Variants in BMPR1B observed in about 807,000 individuals in gnomAD.
BMPR1B encodes bone morphogenetic protein receptor type-1B.
In BMPR1B, 12 loss-of-function variants were observed where a neutral mutation model predicts 59.1. That is an observed-to-expected ratio of 0.20 (90% CI 0.13 to 0.33). The LOEUF (loss-of-function observed/expected upper bound fraction) is 0.33. Among genes scored for constraint, BMPR1B ranks in the 10% least tolerant of loss-of-function variants. The pLI is 1.00. For missense variants in BMPR1B, 550 were observed against 610.9 expected (o/e 0.90, Z 1.05); for synonymous variants, 237 against 207.3 (o/e 1.14, Z -1.23).
chr4:94,987,994 G>A lies in BMPR1B; in HGVS notation c.-112-8046G>A, dbSNP rs553287056. Among the ~76,000 whole-genome samples the A allele has an allele frequency of 2.4e-4, 37 of 152,188 alleles. 1 individual carries two copies. In the South Asian group the frequency reaches 7.7e-3, roughly 32 times the overall value. On this transcript the variant is annotated intron_variant, in intron 2 of 12. Transcript: ENST00000515059. ...ATTAAATGTTCTTATCCAGTCTCTT[G>A]TCACATAGACCTAATCTAATTTCCA... is the stretch of plus-strand genomic sequence containing the variant.
At chr4:95,013,747 T>C (rs556911825) in intron 3 of BMPR1B, among the ~76,000 whole-genome samples, 2 of 152,326 alleles carry the variant, frequency 1.3e-5, no homozygotes, top group Admixed American at 1.3e-4. Flanking sequence ...GTTTCACTTG[T>C]TATGTTATAA....
At chr4:95,016,201 C>T (rs1250029412) in intron 3 of BMPR1B, among the ~76,000 whole-genome samples, 6 of 152,012 alleles carry the variant, frequency 3.9e-5, no homozygotes, top group Admixed American at 3.9e-4. Context: ...ACCTTGAGAG[C>T]GTCTAAATAT....
chr4:94,766,240 A>G (rs1387188100), intron 1 of BMPR1B, among the ~76,000 whole-genome samples: 1 of 152,070 alleles, frequency 6.6e-6, no homozygotes. Flanking sequence ...CCCTGTGTAT[A>G]TCATTGGATT....
intron 3 of BMPR1B, among the ~76,000 whole-genome samples, chr4:95,036,087 C>T (rs1725222016): frequency 6.6e-6 from 1 of 151,914 alleles, no homozygotes; most frequent in African/African-American, 2.4e-5. Flanking sequence ...TCAGCTTGGT[C>T]ATTGTTGGTG....
At chr4:95,100,303 C>G (rs181775901) in intron 3 of BMPR1B, among the ~76,000 whole-genome samples, 6 of 151,808 alleles carry the variant, frequency 4.0e-5, no homozygotes, top group Non-Finnish European at 7.4e-5. Flanking sequence ...CTTTTTTTCC[C>G]CTGCCCTCAC....
intron 1 of BMPR1B, among the ~76,000 whole-genome samples, chr4:94,767,941 C>T (rs1451497917): frequency 6.6e-6 from 1 of 151,762 alleles, no homozygotes; most frequent in African/African-American, 2.4e-5. Flanking sequence ...TATCATTTCA[C>T]CATTCTGTGA....
chr4:95,012,915 C>T (rs1035279627), intron 3 of BMPR1B, among the ~76,000 whole-genome samples: 1 of 152,066 alleles, frequency 6.6e-6, no homozygotes, highest in African/African-American at 2.4e-5. Flanking sequence ...TTCTCGCTCT[C>T]ATAGAAACAA....
At chr4:94,910,153 T>C (rs908949336) in intron 2 of BMPR1B, among the ~76,000 whole-genome samples, 2 of 152,120 alleles carry the variant, frequency 1.3e-5, no homozygotes. Context: ...ATCTTCACAC[T>C]AAAGATTCTG....
At chr4:94,804,103 C>T (rs1723515168) in intron 1 of BMPR1B, among the ~76,000 whole-genome samples, 1 of 152,192 alleles carries the variant, frequency 6.6e-6, no homozygotes, top group Admixed American at 6.5e-5. Flanking sequence ...TGGTCTCAAT[C>T]TCCTGACCTT....
At chr4:95,065,985 G>A (rs1003041090) in intron 3 of BMPR1B, among the ~76,000 whole-genome samples, 4 of 152,118 alleles carry the variant, frequency 2.6e-5, no homozygotes, top group Non-Finnish European at 5.9e-5. Context: ...TAAAAACTTA[G>A]CGCAGTAGCC....
At chr4:95,056,373 C>T (rs774534203) in intron 3 of BMPR1B, among the ~76,000 whole-genome samples, 7 of 152,142 alleles carry the variant, frequency 4.6e-5, no homozygotes, top group Admixed American at 3.3e-4. Flanking sequence ...GATTACTCTG[C>T]TTGATACTAT....
At chr4:94,819,143 A>T (rs914999439) in intron 1 of BMPR1B, among the ~76,000 whole-genome samples, 31 of 148,372 alleles carry the variant, frequency 2.1e-4, no homozygotes, top group South Asian at 8.5e-4. Flanking sequence ...CTCAAATAAA[A>T]TTTTTTTTTT....
chr4:94,766,661 CTTTTTTTAATTTTATTATTATTATTAT>C (rs971850920), intron 1 of BMPR1B, among the ~76,000 whole-genome samples: 17 of 151,760 alleles, frequency 1.1e-4, no homozygotes, highest in Non-Finnish European at 2.2e-4. Context: ...ATCAGTCACT[CTTTTTTTAATTTTATTATTATTATTAT>C]TTTTTACCAC....
At chr4:94,830,568 T>C (rs1724545860) in intron 1 of BMPR1B, among the ~76,000 whole-genome samples, 2 of 152,200 alleles carry the variant, frequency 1.3e-5, no homozygotes, top group South Asian at 2.1e-4. Flanking sequence ...GGGGTTGCCT[T>C]TGGGAAAACT....
intron 1 of BMPR1B, among the ~76,000 whole-genome samples, chr4:94,874,058 T>C (rs1233656984): frequency 6.6e-6 from 1 of 152,222 alleles, no homozygotes; most frequent in East Asian, 1.9e-4. Flanking sequence ...TTACTTAGCA[T>C]GATGTCTTCA....
intron 3 of BMPR1B, among the ~76,000 whole-genome samples, chr4:95,002,578 T>C (rs917026967): frequency 3.9e-5 from 6 of 152,196 alleles, no homozygotes; most frequent in African/African-American, 1.4e-4. Flanking sequence ...GCTGAACTAA[T>C]TTACATTCCT....
In BMPR1B at chr4:94,758,056, A is replaced by T. The variant is rs1474108320; in HGVS notation, c.-195A>T. On this transcript the variant is annotated 5_prime_UTR_variant, in exon 1 of 13. Coordinates refer to ENST00000515059, the MANE Select transcript of BMPR1B (RefSeq NM_001203.3). ...CGGCGCTGAGGACGCGGGAGCCGGG[A>T]GCGCAGCCGCGGGTAAGGCGCGCGC... is the stretch of plus-strand genomic sequence containing the variant. The T allele has an allele frequency of 1.4e-5, 2 of 147,508 alleles. No individual in the cohort carries two copies. The highest frequency in any genetic ancestry group is 3.0e-5 in the Non-Finnish European group (2 of 66,098). The allele number at this position is 147,508 out of a possible 1,614,324, so 9.1% of individuals were successfully genotyped here.
intron 2 of BMPR1B, among the ~76,000 whole-genome samples, chr4:94,972,504 A>G (rs1466643091): frequency 6.6e-6 from 1 of 151,936 alleles, no homozygotes; most frequent in Non-Finnish European, 1.5e-5. Context: ...ATTATATTGT[A>G]TGTGTTTCTG....
At chr4:94,836,942 G>T (rs1486726336) in intron 1 of BMPR1B, among the ~76,000 whole-genome samples, 1 of 147,222 alleles carries the variant, frequency 6.8e-6, no homozygotes, top group African/African-American at 2.5e-5. Flanking sequence ...TGTATAAGGT[G>T]TAAGGAAGGG....
Sources: allele counts gnomAD v4.1 joint callset (sites outside exome capture counted in the v4.1 genomes callset), GRCh38; gene constraint gnomAD v4.1.1; transcripts MANE v1.5; gene names NCBI Gene and HGNC (gene_info 2026-07-23, HGNC 2026-07-21).